The following IGSF21 variants were observed in gnomAD, a reference collection of about 807,000 sequenced individuals.
IGSF21 encodes immunoglobulin superfamily member 21.
In IGSF21, 28 loss-of-function variants were observed where a neutral mutation model predicts 46.8. The ratio of observed to expected loss-of-function variants is 0.60; its 90% CI spans 0.44 to 0.82. The LOEUF (loss-of-function observed/expected upper bound fraction) is 0.82, where lower values mean the gene tolerates loss of function less well. Among genes scored for constraint, IGSF21 ranks in the 40% least tolerant of loss-of-function variants. IGSF21 has a pLI of 0.00. For missense variants in IGSF21, 624 were observed against 665.5 expected, an observed-to-expected ratio of 0.94 and a Z score of 0.69; for synonymous variants, 284 against 273.6, an observed-to-expected ratio of 1.04 and a Z score of -0.38.
At chr1:18,356,023 G>C (rs643432) in intron 4 of IGSF21, among the ~76,000 whole-genome samples, 131,619 of 151,860 alleles carry the variant, frequency 0.87, 57,124 homozygotes, top group Non-Finnish European at 0.9. Context: ...TTAGTAGAGA[G>C]ACGGTTTCTC....
intron 3 of IGSF21, among the ~76,000 whole-genome samples, chr1:18,317,127 G>T (rs763160354): frequency 1.4e-4 from 21 of 152,196 alleles, no homozygotes; most frequent in Non-Finnish European, 2.4e-4. Flanking sequence ...TTTGGGCAGG[G>T]CTAGAGATAG....
chr1:18,313,201 G>A (rs1039560903), intron 3 of IGSF21, among the ~76,000 whole-genome samples: 5 of 152,190 alleles, frequency 3.3e-5, no homozygotes, highest in Admixed American at 6.5e-5. Context: ...GAAGAAACTC[G>A]GGGAGGTCTC....
At chr1:18,257,376 C>T (rs2084902013) in intron 2 of IGSF21, among the ~76,000 whole-genome samples, 1 of 152,094 alleles carries the variant, frequency 6.6e-6, no homozygotes, top group Non-Finnish European at 1.5e-5. Flanking sequence ...CATATGAAAG[C>T]CCCTTGTAAT....
chr1:18,377,479 G>T (rs1393429155), intron 9 of IGSF21, 48 bp downstream of exon 9: 1 of 1,489,678 alleles, frequency 6.7e-7, no homozygotes, highest in Admixed American at 1.7e-5. Flanking sequence ...AGTGGCTTTT[G>T]AGGCGCCAGA....
chr1:18,286,609 C>T (rs925259855), intron 2 of IGSF21, among the ~76,000 whole-genome samples: 8 of 152,232 alleles, frequency 5.3e-5, no homozygotes, highest in African/African-American at 1.9e-4. Context: ...TGGAGCCTCA[C>T]ATCGGAGGTG....
chr1:18,259,895 G>A (rs977568269), intron 2 of IGSF21, among the ~76,000 whole-genome samples: 11 of 152,172 alleles, frequency 7.2e-5, no homozygotes, highest in Non-Finnish European at 1.2e-4. Context: ...GGGGCACAAC[G>A]GTGTTCTGGA....
chr1:18,304,653 T>C (rs2085393381), intron 3 of IGSF21, among the ~76,000 whole-genome samples: 1 of 152,112 alleles, frequency 6.6e-6, no homozygotes, highest in Non-Finnish European at 1.5e-5. Context: ...GGCAAATCAT[T>C]TCTATGTCTG....
chr1:18,116,977 G>A (rs951715781), intron 1 of IGSF21, among the ~76,000 whole-genome samples: 6 of 152,206 alleles, frequency 3.9e-5, no homozygotes, highest in Non-Finnish European at 5.9e-5. Context: ...AAGCTGGGGA[G>A]GAGGATGGAG....
chr1:18,161,496 C>T (rs375518614), intron 1 of IGSF21, among the ~76,000 whole-genome samples: 225 of 152,196 alleles, frequency 1.5e-3, no homozygotes, highest in African/African-American at 4.3e-3. Flanking sequence ...TACCTTCCCC[C>T]CAGCCCACTT....
intron 1 of IGSF21, among the ~76,000 whole-genome samples, chr1:18,190,766 G>A (rs2086947767): frequency 6.6e-6 from 1 of 152,218 alleles, no homozygotes; most frequent in Non-Finnish European, 1.5e-5. Context: ...TCGGGGATTT[G>A]TGAGCTTGTA....
intron 3 of IGSF21, among the ~76,000 whole-genome samples, chr1:18,327,976 C>A (rs1216452572): frequency 1.3e-5 from 2 of 152,178 alleles, no homozygotes; most frequent in South Asian, 2.1e-4. Context: ...CATTGCAAAA[C>A]CCCTAAGACT....
chr1:18,245,810 C>A (rs1341290381), intron 2 of IGSF21, among the ~76,000 whole-genome samples: 1 of 152,134 alleles, frequency 6.6e-6, no homozygotes, highest in East Asian at 1.9e-4. Context: ...AGAGCAGGGG[C>A]CTTATGAGGG....
At chr1:18,113,349 A>T (rs2086159859) in intron 1 of IGSF21, 1 of 152,164 alleles carries the variant, frequency 6.6e-6, no homozygotes, top group Non-Finnish European at 1.5e-5. Flanking sequence ...CCCGGCTAAG[A>T]TTCCATGGAT....
chr1:18,222,723 G>A (rs1030331996), intron 1 of IGSF21, among the ~76,000 whole-genome samples: 3 of 152,044 alleles, frequency 2.0e-5, no homozygotes, highest in African/African-American at 7.3e-5. Flanking sequence ...AGGAAGGATG[G>A]GGAGGAGATT....
chr1:18,321,693 C>T (rs223217), intron 3 of IGSF21, among the ~76,000 whole-genome samples: 322 of 152,304 alleles, frequency 2.1e-3, no homozygotes, highest in African/African-American at 7.3e-3. Flanking sequence ...TGTGGGGGTG[C>T]TCATCCCACC....
chr1:18,127,930 G>A (rs2086287408), intron 1 of IGSF21, among the ~76,000 whole-genome samples: 2 of 151,954 alleles, frequency 1.3e-5, no homozygotes, highest in Non-Finnish European at 2.9e-5. Flanking sequence ...TGGGGGTGAA[G>A]CTGAACATCT....
At position 18,334,175 on chromosome 1, in the gene IGSF21, A is replaced by G. The variant is rs532499255; in HGVS notation, c.306-717A>G. 1.3e-5 allele frequency among the ~76,000 whole-genome samples: 2 copies of G among 152,310 alleles called. No homozygotes were observed. Among genetic ancestry groups the G allele is most frequent in the South Asian group, 2.1e-4 (1 of 4,828 alleles). ...TCACCTCTTCTGAGACACCCTCCCA[A>G]CTACCTCAGAGGTGGAAGTGGCTGC... On this transcript the variant is annotated intron_variant, in intron 3 of 9. Coordinates refer to ENST00000251296, the MANE Select transcript of IGSF21 (RefSeq NM_032880.5). This position sits in a 1 kb window ranked among gnomAD's most constrained non-coding sequence, Gnocchi z 4.3.
intron 3 of IGSF21, among the ~76,000 whole-genome samples, chr1:18,323,745 C>G (rs1217282449): frequency 1.3e-5 from 2 of 152,142 alleles, no homozygotes; most frequent in African/African-American, 4.8e-5. Flanking sequence ...CCCCTCCTAG[C>G]CAGCCCTGCA....
intron 1 of IGSF21, among the ~76,000 whole-genome samples, chr1:18,203,426 A>C (rs2087096636): frequency 1.3e-5 from 2 of 152,182 alleles, no homozygotes; most frequent in South Asian, 4.1e-4. Flanking sequence ...CTTGTGCCTC[A>C]GCCTCCTCAG....
Sources: allele counts gnomAD v4.1 joint callset (sites outside exome capture counted in the v4.1 genomes callset), GRCh38; gene constraint gnomAD v4.1.1; non-coding constraint Gnocchi (gnomAD v3.1); transcripts MANE v1.5; gene names NCBI Gene and HGNC (gene_info 2026-07-23, HGNC 2026-07-21).